The following ADAM22 variants were observed in gnomAD, a reference collection of about 807,000 sequenced individuals.
ADAM22 encodes ADAM metallopeptidase domain 22.
Under a neutral mutation model 144.6 loss-of-function variants are expected in ADAM22, and 65 were observed. The observed-to-expected ratio is 0.45, with a 90% confidence interval of 0.37 to 0.55. The LOEUF is 0.55. ADAM22 is among the 20% of genes least tolerant of loss of function. The pLI, the probability that ADAM22 is intolerant of heterozygous loss-of-function variation, is 0.00. For synonymous variants in ADAM22, 391 were observed against 412.6 expected (o/e 0.95, Z 0.63); for missense variants, 974 against 1,184.9 (o/e 0.82, Z 2.61).
At chr7:88,119,557 C>T (rs1040261405) in intron 7 of ADAM22, among the ~76,000 whole-genome samples, 1 of 152,100 alleles carries the variant, frequency 6.6e-6, no homozygotes, top group South Asian at 2.1e-4. Context: ...AGTGCGATCT[C>T]GGCTCACTGC....
intron 2 of ADAM22, among the ~76,000 whole-genome samples, chr7:87,965,645 A>AGCCCTT (rs1157825198): frequency 6.6e-6 from 1 of 152,184 alleles, no homozygotes; most frequent in African/African-American, 2.4e-5. Flanking sequence ...CCTTTAGTAA[A>AGCCCTT]AGTGAGCCTT....
At chr7:87,949,006 T>C (rs1844388226) in intron 2 of ADAM22, among the ~76,000 whole-genome samples, 1 of 152,188 alleles carries the variant, frequency 6.6e-6, no homozygotes, top group Admixed American at 6.5e-5. Context: ...TGTATGTACT[T>C]TTGAGATAGT....
intron 15 of ADAM22, among the ~76,000 whole-genome samples, 153 bp downstream of exon 15, chr7:88,143,278 G>T (rs1835344451): frequency 6.6e-6 from 1 of 152,172 alleles, no homozygotes. Flanking sequence ...CATATTCAAA[G>T]TCAGCTTTAA....
intron 30 of ADAM22, among the ~76,000 whole-genome samples, chr7:88,187,639 A>G (rs1848608744): frequency 6.6e-6 from 1 of 152,228 alleles, no homozygotes; most frequent in Non-Finnish European, 1.5e-5. Context: ...GTACTCAATT[A>G]CTACCTCTTC....
At chr7:87,999,325 A>G (rs1028275887) in intron 3 of ADAM22, among the ~76,000 whole-genome samples, 1 of 152,226 alleles carries the variant, frequency 6.6e-6, no homozygotes, top group Non-Finnish European at 1.5e-5. Context: ...ATCACACAAC[A>G]TAGCTGTGTG....
intron 2 of ADAM22, among the ~76,000 whole-genome samples, chr7:87,956,336 C>G (rs1352679708): frequency 1.3e-5 from 2 of 152,080 alleles, no homozygotes; most frequent in African/African-American, 4.8e-5. Flanking sequence ...AGAGGAGACC[C>G]TACATTAAAA....
At position 88,197,861 on chromosome 7, in the gene ADAM22, C is replaced by G. The variant is rs894564393; in HGVS notation, c.*1370C>G. The G allele has an allele frequency of 3.9e-5, 6 of 151,976 alleles. No individual in the cohort carries two copies. The highest frequency in any genetic ancestry group is 1.4e-4 in the African/African-American group (6 of 41,384). 9.4% of individuals were successfully genotyped at this position (151,976 alleles called of 1,614,324 possible). On this transcript the variant is annotated 3_prime_UTR_variant, in exon 32 of 32. Transcript: ENST00000413139. ...CTAAACCACAGAGATGCAGCATCTG[C>G]GAAGTTACACTAACAGCTGGTGGGG...
At chr7:88,006,187 C>T (rs1188275091) in intron 3 of ADAM22, among the ~76,000 whole-genome samples, 1 of 152,016 alleles carries the variant, frequency 6.6e-6, no homozygotes, top group African/African-American at 2.4e-5. Flanking sequence ...TACACTCTCC[C>T]AATACTAAAC....
chr7:88,018,365 G>C lies in ADAM22; in HGVS notation c.323+39953G>C, dbSNP rs577978443. ...AACTTTGTTAATAACAATTAAAAAG[G>C]AGTGTCATTATTGGACTCCTCTGTG... On this transcript the variant is annotated intron_variant, in intron 3 of 31. Transcript: ENST00000413139. Among the ~76,000 whole-genome samples, 214 of 152,152 alleles carry C rather than the reference G, an allele frequency of 1.4e-3. 1 individual carries two copies. Among genetic ancestry groups the C allele is most frequent in the Admixed American group, 2.3e-3 (35 of 15,276 alleles).
intron 7 of ADAM22, among the ~76,000 whole-genome samples, chr7:88,117,645 T>A (rs1380369391): frequency 6.6e-6 from 1 of 152,160 alleles, no homozygotes; most frequent in African/African-American, 2.4e-5. Context: ...GATATCTGGA[T>A]ATCTGGTATG....
At chr7:88,142,895 A>T (rs1835214242) in intron 14 of ADAM22, 131 bp from the exon 15 acceptor site, 1 of 557,716 alleles carries the variant, frequency 1.8e-6, no homozygotes, top group African/African-American at 1.9e-5. Flanking sequence ...TTGAATATAA[A>T]TGTCATACAT....
chr7:87,947,300 T>C (rs781240872), intron 2 of ADAM22, among the ~76,000 whole-genome samples: 3 of 152,236 alleles, frequency 2.0e-5, no homozygotes, highest in Non-Finnish European at 2.9e-5. Flanking sequence ...CTGGTTTAGC[T>C]GTAAATAGTA....
intron 22 of ADAM22, among the ~76,000 whole-genome samples, chr7:88,161,941 A>C (rs1265490097): frequency 1.3e-5 from 2 of 152,068 alleles, no homozygotes; most frequent in Non-Finnish European, 2.9e-5. Context: ...TCGACCCAGC[A>C]ATCCTATTAC....
chr7:87,938,554 C>G (rs978555735), intron 2 of ADAM22, among the ~76,000 whole-genome samples: 2 of 152,000 alleles, frequency 1.3e-5, no homozygotes, highest in African/African-American at 4.8e-5. Flanking sequence ...CTTTCTACTT[C>G]ATAAATAAAA....
At position 87,994,305 on chromosome 7, in the gene ADAM22, C is replaced by G. The variant is rs182860433; in HGVS notation, c.323+15893C>G. Among the ~76,000 whole-genome samples, 340 of 152,178 alleles carry G rather than the reference C, an allele frequency of 2.2e-3. 3 individuals are homozygous for G. Among genetic ancestry groups the G allele is most frequent in the African/African-American group, 7.5e-3 (310 of 41,524 alleles). On this transcript the variant is annotated intron_variant, in intron 3 of 31. Transcript: ENST00000413139. Reference sequence around the variant, plus strand: ...CCTCGTGAGTAGCTGGGACTACAGGCGCCCGCCACCACGCCCGGCTAATTT... The same window carrying G: ...CCTCGTGAGTAGCTGGGACTACAGGGGCCCGCCACCACGCCCGGCTAATTT...
chr7:88,113,703 A>AATAAATAAATATATATATATATAT (rs1554478726), intron 5 of ADAM22, among the ~76,000 whole-genome samples: 1 of 48,104 alleles, frequency 2.1e-5, no homozygotes, highest in Admixed American at 2.8e-4. Context: ...TAAATAAATA[A>AATAAATAAATATATATATATATAT]ATATATATAT....
intron 20 of ADAM22, among the ~76,000 whole-genome samples, chr7:88,152,116 A>T (rs1838563474): frequency 6.6e-6 from 1 of 152,160 alleles, no homozygotes; most frequent in Non-Finnish European, 1.5e-5. Flanking sequence ...CTCTTTAAGC[A>T]ATTGGAAACA....
At chr7:87,986,318 G>T (rs1187979930) in intron 3 of ADAM22, among the ~76,000 whole-genome samples, 1 of 152,174 alleles carries the variant, frequency 6.6e-6, no homozygotes, top group Non-Finnish European at 1.5e-5. Flanking sequence ...AGTCTCTTGT[G>T]CTCAGCCCAG....
chr7:88,052,911 A>T (rs1375016413), intron 3 of ADAM22, among the ~76,000 whole-genome samples: 2 of 152,242 alleles, frequency 1.3e-5, no homozygotes, highest in African/African-American at 4.8e-5. Context: ...CAGTTAAAAA[A>T]GTTCAGCATG....
Sources: allele counts gnomAD v4.1 joint callset (sites outside exome capture counted in the v4.1 genomes callset), GRCh38; gene constraint gnomAD v4.1.1; transcripts MANE v1.5; gene names NCBI Gene and HGNC (gene_info 2026-07-23, HGNC 2026-07-21).